Variants in KIF18A observed in about 807,000 individuals in gnomAD.
The protein encoded by KIF18A is kinesin family member 18A.
Under a neutral mutation model 103.3 loss-of-function variants are expected in KIF18A, and 67 were observed. That is an observed-to-expected ratio of 0.65 (90% CI 0.53 to 0.79). The LOEUF (loss-of-function observed/expected upper bound fraction) is 0.79, where lower values mean the gene tolerates loss of function less well. KIF18A is among the 30% of genes least tolerant of loss of function. The pLI is 0.00. For synonymous variants in KIF18A, 367 were observed against 355.5 expected (o/e 1.03, Z -0.36); for missense variants, 1,032 against 1,062.5 (o/e 0.97, Z 0.40).
chr11:28,024,048 T>A (rs527939117), intron 15 of KIF18A, among the ~76,000 whole-genome samples, 198 bp from the exon 16 acceptor site: 6 of 152,176 alleles, frequency 3.9e-5, no homozygotes, highest in African/African-American at 1.4e-4. Context: ...ATTGGATATT[T>A]TATATTTTTA....
At chr11:28,090,032 C>A (rs899316323) in intron 5 of KIF18A, among the ~76,000 whole-genome samples, 2 of 152,136 alleles carry the variant, frequency 1.3e-5, no homozygotes. Flanking sequence ...TCAACTATAA[C>A]AATTTCTTTC....
At chr11:28,025,307 A>G (rs1850302253) in intron 15 of KIF18A, among the ~76,000 whole-genome samples, 1 of 152,102 alleles carries the variant, frequency 6.6e-6, no homozygotes, top group Non-Finnish European at 1.5e-5. Flanking sequence ...TGTTTTGCAT[A>G]TTAAACACAC....
Position 28,094,673 on chromosome 11 carries a change from T to A in KIF18A, c.453A>T (p.Lys151Asn). 6.2e-7 allele frequency: 1 copy of A among 1,612,418 alleles called. No individual in the cohort carries two copies. The highest frequency in any genetic ancestry group is 1.1e-5 in the South Asian group (1 of 91,042). ...YKCMDEIKEE[K>N]ICSTAVSYLE... ...GATATGAAACTGCAGTACTACATAT[T>A]TTCTCTTCTTTAATCTCATCCATGC... The change falls in exon 3 of 17, where the codon AAA becomes AAT. Residue 151 changes from lysine to asparagine, a missense_variant. Physicochemically the swap from Lys to Asn is moderately conservative, Grantham distance 94 (BLOSUM62 0). Transcript: ENST00000263181.
Position 28,062,376 on chromosome 11 carries a change from G to A in KIF18A, c.1712+19C>T, listed in dbSNP as rs1218896658. ...GATATAGTGTTAAAATTGGAAAATA[G>A]GTAAATGTATGTACTCACGCTTCAG... On this transcript the variant is annotated intron_variant, in intron 12 of 16. Coordinates refer to ENST00000263181, the MANE Select transcript of KIF18A (RefSeq NM_031217.4). 5 of 1,575,506 alleles carry A rather than the reference G, an allele frequency of 3.2e-6. No individual in the cohort carries two copies. Among genetic ancestry groups the A allele is most frequent in the Admixed American group, 1.8e-5 (1 of 54,376 alleles).
intron 13 of KIF18A, among the ~76,000 whole-genome samples, chr11:28,049,143 A>G (rs897946841): frequency 1.3e-5 from 2 of 152,066 alleles, no homozygotes; most frequent in African/African-American, 4.8e-5. Flanking sequence ...AATTTTCTAA[A>G]AATATTTTAA....
At chr11:28,075,198 T>C (rs1018286742) in intron 10 of KIF18A, among the ~76,000 whole-genome samples, 5 of 152,164 alleles carry the variant, frequency 3.3e-5, no homozygotes, top group Admixed American at 3.3e-4. Context: ...CTTGTCCACA[T>C]GTGTTATCTT....
At position 28,090,599 on chromosome 11, in the gene KIF18A, A is replaced by G; in HGVS notation, c.699+18T>C. 8.1e-7 allele frequency: 1 copy of G among 1,235,258 alleles called. No homozygotes were observed. 76.5% of individuals were successfully genotyped at this position (1,235,258 alleles called of 1,614,324 possible). ...TTTTAAATCCAATTTTAAGAGTGAT[A>G]GTCTAGTGGCCTCTTACTTGGAAAA... On this transcript the variant is annotated intron_variant, in intron 5 of 16. Coordinates refer to ENST00000263181, the MANE Select transcript of KIF18A (RefSeq NM_031217.4).
chr11:28,037,777 G>A (rs1850513587), intron 13 of KIF18A, among the ~76,000 whole-genome samples: 1 of 151,540 alleles, frequency 6.6e-6, no homozygotes. Flanking sequence ...AGGTCACTAA[G>A]TCTGATGATC....
At chr11:28,082,345 T>C (rs1851175784) in intron 9 of KIF18A, among the ~76,000 whole-genome samples, 1 of 152,224 alleles carries the variant, frequency 6.6e-6, no homozygotes. Flanking sequence ...AACTTCATTG[T>C]TGCCTTATTT....
At chr11:28,049,466 A>G (rs1400202761) in intron 13 of KIF18A, among the ~76,000 whole-genome samples, 3 of 152,042 alleles carry the variant, frequency 2.0e-5, no homozygotes, top group African/African-American at 4.8e-5. Flanking sequence ...TGTAAACGTT[A>G]AGAGATTTAT....
At chr11:28,054,298 C>A (rs1250728364) in intron 13 of KIF18A, among the ~76,000 whole-genome samples, 1 of 151,584 alleles carries the variant, frequency 6.6e-6, no homozygotes, top group Non-Finnish European at 1.5e-5. Flanking sequence ...GCAGCCTCAA[C>A]TTCCCAAGCT....
chr11:28,047,049 C>T (rs1199574313), intron 13 of KIF18A, among the ~76,000 whole-genome samples: 101 of 102,072 alleles, frequency 9.9e-4, no homozygotes, highest in African/African-American at 3.5e-3. Context: ...AGCAACACTT[C>T]GTCTCAGAAA....
chr11:28,061,660 T>TA (rs1565079878), intron 12 of KIF18A, among the ~76,000 whole-genome samples: 1 of 152,076 alleles, frequency 6.6e-6, no homozygotes, highest in South Asian at 2.1e-4. Flanking sequence ...TTTTCTTTTT[T>TA]AAAAAAAGCT....
In KIF18A at chr11:28,069,204, AT is replaced by A. The variant is rs1383276492; in HGVS notation, c.1590+54del. 11 of 1,374,844 alleles carry A rather than the reference AT, an allele frequency of 8.0e-6. No homozygotes were observed. In the African/African-American group the frequency reaches 1.4e-4, roughly 18 times the overall value. The allele number at this position is 1,374,844 out of a possible 1,614,324, so 85.2% of individuals were successfully genotyped here. A position where few individuals can be genotyped will look rare whatever the true frequency, so the allele number is the denominator to read the frequency against. On this transcript the variant is annotated intron_variant, in intron 11 of 16. Transcript: ENST00000263181. ...ATTTACTCAATAAGAAAAAGAACAC[AT>A]TTTAGGAGCTCAGTTCCTACAAATT... is the stretch of plus-strand genomic sequence containing the variant.
rs1050847827 is a variant in KIF18A, at chr11:28,097,648, A to C, written c.300T>G (p.Ser100Arg). The change falls in exon 2 of 17, where the codon AGT (serine) becomes AGG (arginine). Residue 100 changes from serine (S) to arginine (R), a missense_variant. Coordinates refer to ENST00000263181, the MANE Select transcript of KIF18A (RefSeq NM_031217.4). ...CTGTGCAATTATATCCATTCAAAAA[A>C]CTACGAAGAATTGGCTTAGTAGTGT... ...FEHTTKPILR[S>R]FLNGYNCTVL... 2 of 1,609,498 alleles carry C rather than the reference A, an allele frequency of 1.2e-6. No homozygotes were observed. The highest frequency in any genetic ancestry group is 2.7e-5 in the African/African-American group (2 of 74,798).
At chr11:28,058,724 TAG>T (rs1246640587) in intron 13 of KIF18A, among the ~76,000 whole-genome samples, 200 bp downstream of exon 13, 3 of 143,714 alleles carry the variant, frequency 2.1e-5, no homozygotes, top group Non-Finnish European at 4.5e-5. Flanking sequence ...ATTTTACTGC[TAG>T]AGTTATATAG....
intron 13 of KIF18A, among the ~76,000 whole-genome samples, chr11:28,054,743 G>C (rs1351064496): frequency 6.6e-6 from 1 of 151,936 alleles, no homozygotes; most frequent in African/African-American, 2.4e-5. Context: ...GTAAAGTAAC[G>C]AACCAAGAAC....
intron 9 of KIF18A, among the ~76,000 whole-genome samples, chr11:28,078,211 A>G (rs954800540): frequency 3.9e-5 from 6 of 151,976 alleles, no homozygotes; most frequent in Non-Finnish European, 5.9e-5. Context: ...TCTTAATGAA[A>G]CTCTATTGGG....
chr11:28,063,675 A>C (rs1850882945), intron 11 of KIF18A, among the ~76,000 whole-genome samples: 1 of 151,944 alleles, frequency 6.6e-6, no homozygotes, highest in Admixed American at 6.6e-5. Flanking sequence ...TATTGGAAAA[A>C]TTTCAAACAA....
Sources: allele counts gnomAD v4.1 joint callset (sites outside exome capture counted in the v4.1 genomes callset), GRCh38; gene constraint gnomAD v4.1.1; transcripts MANE v1.5; gene names NCBI Gene and HGNC (gene_info 2026-07-23, HGNC 2026-07-21).